VPS13C: variants seen among roughly 807,000 people sequenced by gnomAD.
The protein encoded by VPS13C is vacuolar protein sorting 13 homolog C.
A neutral mutation model predicts 456.8 loss-of-function variants in VPS13C; 358 were observed. The ratio of observed to expected loss-of-function variants is 0.78; its 90% CI spans 0.72 to 0.86. VPS13C has a LOEUF of 0.86. Ranked by LOEUF, VPS13C falls within the 40% of genes least tolerant of loss-of-function variation. VPS13C has a pLI of 0.00. For missense variants in VPS13C, 4,818 were observed against 4,385.4 expected (o/e 1.10, Z -2.79); for synonymous variants, 1,578 against 1,486.7 (o/e 1.06, Z -1.41).
At chr15:61,960,545 T>C (rs2045159764) in intron 35 of VPS13C, among the ~76,000 whole-genome samples, 1 of 152,212 alleles carries the variant, frequency 6.6e-6, no homozygotes, top group Admixed American at 6.5e-5. Context: ...AGAGAATGAA[T>C]GTCCTTGTTT....
rs1407489518 is a variant in VPS13C at position 61,984,020 on chromosome 15, C to G, written c.1722-8G>C. On this transcript the variant is annotated splice_region_variant and splice_polypyrimidine_tract_variant and intron_variant, in intron 19 of 84. Transcript: ENST00000644861. ...TCTAATTTCGCTTCTACCCTATAATCCAATGAAGAACAAGGAAAGATGCAG... is the reference window on the plus strand; with the variant it reads ...TCTAATTTCGCTTCTACCCTATAATGCAATGAAGAACAAGGAAAGATGCAG... 1.9e-6 allele frequency: 3 copies of G among 1,605,614 alleles called. No individual in the cohort carries two copies. Among genetic ancestry groups the G allele is most frequent in the South Asian group, 2.2e-5 (2 of 90,484 alleles).
chr15:61,867,661 C>CT lies in VPS13C; in HGVS notation c.10863+997dup. Reference sequence around the variant, plus strand: ...TATCTGCTTCTGAGCTCAATAAAGGCTTTCATCTATTAAACGCAGAAGAGA... The same window carrying CT: ...TATCTGCTTCTGAGCTCAATAAAGGCTTTTCATCTATTAAACGCAGAAGAGA... On this transcript the variant is annotated intron_variant, in intron 81 of 84. Coordinates refer to ENST00000644861, the MANE Select transcript of VPS13C (RefSeq NM_020821.3). This position sits in a 1 kb window ranked among gnomAD's most constrained non-coding sequence, Gnocchi z 5.0. 1 of 1,242,428 alleles carries CT rather than the reference C, an allele frequency of 8.0e-7. No individual in the cohort carries two copies. The highest frequency in any genetic ancestry group is 1.0e-6 in the Non-Finnish European group (1 of 990,074). The allele number at this position is 1,242,428 out of a possible 1,614,324, so 77.0% of individuals were successfully genotyped here.
chr15:61,982,485 T>C lies in VPS13C; in HGVS notation c.2003A>G (p.Glu668Gly), dbSNP rs1430760988. Residue 668 changes from glutamate to glycine, a missense_variant, in exon 21 of 85, where the codon GAA becomes GGA. Around this residue, in one of 3 missense-constraint regions of VPS13C, gnomAD observed 4,552 missense variants for 4,130.6 expected, o/e 1.10. Transcript: ENST00000644861. ...TGTAGCTGTTCTCTCCTTAATTTCT[T>C]CCAGCTTCATCAATGTTGCTGATGT... ...QITSATLMKL[E>G]EIKERTATGL... The C allele has an allele frequency of 1.2e-6, 2 of 1,608,592 alleles. No individual in the cohort carries two copies. Among genetic ancestry groups the C allele is most frequent in the East Asian group, 2.2e-5 (1 of 44,782 alleles).
chr15:61,922,077 A>C lies in VPS13C; in HGVS notation c.6976-44T>G, dbSNP rs193288526. 196 of 1,582,800 alleles carry C rather than the reference A, an allele frequency of 1.2e-4. No homozygotes were observed. The Admixed American group carries it at 3.3e-3, about 27-fold the overall frequency. ...AATTATAAGACAGTCCTTTGGCTTT[A>C]ATTACATATTTCTGTAACCAATAGG... is the stretch of plus-strand genomic sequence containing the variant. On this transcript the variant is annotated intron_variant, in intron 54 of 84. Coordinates refer to ENST00000644861, the MANE Select transcript of VPS13C (RefSeq NM_020821.3).
At chr15:61,894,755 A>C (rs1340975749) in intron 66 of VPS13C, among the ~76,000 whole-genome samples, 1 of 152,190 alleles carries the variant, frequency 6.6e-6, no homozygotes, top group Non-Finnish European at 1.5e-5. Context: ...TAACAGATCT[A>C]AAGGAAGAGA....
intron 81 of VPS13C, chr15:61,864,594 A>T (rs1339404533): frequency 1.0e-6 from 1 of 975,998 alleles, no homozygotes; most frequent in African/African-American, 1.8e-5. Context: ...ATCACATTTG[A>T]TATTATTTCA....
chr15:62,033,605 A>C (rs2047890647), intron 4 of VPS13C, 63 bp from the exon 5 acceptor site: 1 of 1,212,832 alleles, frequency 8.2e-7, no homozygotes, highest in African/African-American at 1.6e-5. Context: ...AAACGGAAAA[A>C]GTTCAGCCTC....
At chr15:61,998,155 T>C (rs910258286) in intron 16 of VPS13C, among the ~76,000 whole-genome samples, 1 of 152,194 alleles carries the variant, frequency 6.6e-6, no homozygotes, top group Non-Finnish European at 1.5e-5. Flanking sequence ...TTACACTTTA[T>C]TATTTCTGCC....
chr15:62,027,446 A>G (rs1326171590), intron 6 of VPS13C, among the ~76,000 whole-genome samples: 1 of 152,146 alleles, frequency 6.6e-6, no homozygotes, highest in East Asian at 1.9e-4. Context: ...TTACGGAAGG[A>G]GTAGGTTTAT....
rs11071644 is a variant in VPS13C at position 61,969,565 on chromosome 15, T to C, written c.2758-113A>G. ...ACCATGAGAATAGTAACTTTGCTCA[T>C]ATCCTTCTGCCACCATAGCAATTTA... is the stretch of plus-strand genomic sequence containing the variant. On this transcript the variant is annotated intron_variant, in intron 27 of 84. Coordinates refer to ENST00000644861, the MANE Select transcript of VPS13C (RefSeq NM_020821.3). 39,222 of 566,226 alleles carry C rather than the reference T, an allele frequency of 0.069. 1,580 individuals carry two copies. Among genetic ancestry groups the C allele is most frequent in the Non-Finnish European group, 0.083 (30,718 of 370,842 alleles). 35.1% of individuals were successfully genotyped at this position (566,226 alleles called of 1,614,324 possible). A position where few individuals can be genotyped will look rare whatever the true frequency, so the allele number is the denominator to read the frequency against.
chr15:61,874,098 T>C (rs1895235142), intron 77 of VPS13C, among the ~76,000 whole-genome samples: 1 of 151,956 alleles, frequency 6.6e-6, no homozygotes, highest in African/African-American at 2.4e-5. Flanking sequence ...AAATACTGCA[T>C]GTTCTCATTC....
intron 3 of VPS13C, among the ~76,000 whole-genome samples, chr15:62,039,246 T>G (rs539191615): frequency 6.6e-6 from 1 of 152,058 alleles, no homozygotes; most frequent in Non-Finnish European, 1.5e-5. Context: ...TGCAATAGTA[T>G]GCAGCCATAA....
chr15:61,950,472 CTGA>C, intron 40 of VPS13C, 55 bp from the exon 41 acceptor site: 1 of 1,295,078 alleles, frequency 7.7e-7, no homozygotes, highest in Non-Finnish European at 1.1e-6. Context: ...AATTCATACA[CTGA>C]AAATATACAT....
rs546383302 is a variant in VPS13C at position 61,936,588 on chromosome 15, A to T, written c.5755+9T>A. ...TTTTCTCCATAAAGTAAATATCATC[A>T]ATTTATACCTTTGAGATGGTCAGGT... On this transcript the variant is annotated intron_variant, in intron 48 of 84. Coordinates refer to ENST00000644861, the MANE Select transcript of VPS13C (RefSeq NM_020821.3). 1 of 1,520,200 alleles carries T rather than the reference A, an allele frequency of 6.6e-7. No individual in the cohort carries two copies. The highest frequency in any genetic ancestry group is 1.3e-5 in the South Asian group (1 of 74,534). 94.2% of individuals were successfully genotyped at this position (1,520,200 alleles called of 1,614,324 possible).
In VPS13C at chr15:61,918,153, A is replaced by T; in HGVS notation, c.7743T>A (p.Val2581=). Residue 2581 remains valine, a synonymous_variant, in exon 59 of 85, where the codon GTT becomes GTA. Coordinates refer to ENST00000644861, the MANE Select transcript of VPS13C (RefSeq NM_020821.3). The stretch of plus-strand genomic sequence containing the variant: ...GTATCTACCTATATGAATCTAAAGG[A>T]ACATGGAACTCCTCTTCAGGTCTGG... ...GIARPEEEFH[V]PLDSYRCQLF... is the part of the protein sequence containing the mutation. 2 of 1,596,264 alleles carry T rather than the reference A, an allele frequency of 1.3e-6. No individual in the cohort carries two copies. Among genetic ancestry groups the T allele is most frequent in the Non-Finnish European group, 1.7e-6 (2 of 1,174,416 alleles).
intron 16 of VPS13C, among the ~76,000 whole-genome samples, chr15:61,996,635 T>A (rs776460148): frequency 6.6e-6 from 1 of 151,766 alleles, no homozygotes; most frequent in Non-Finnish European, 1.5e-5. Context: ...ACTAAAAAGA[T>A]TGGAATCTTC....
intron 1 of VPS13C, among the ~76,000 whole-genome samples, chr15:62,055,234 C>CTT (rs111700043): frequency 4.7e-5 from 7 of 148,218 alleles, no homozygotes; most frequent in Admixed American, 2.0e-4. Flanking sequence ...CCTTCTCAAC[C>CTT]TTTTTTTTTT....
intron 23 of VPS13C, 80 bp from the exon 24 acceptor site, chr15:61,977,279 T>C: frequency 1.2e-6 from 1 of 865,688 alleles, no homozygotes; most frequent in Non-Finnish European, 1.7e-6. Flanking sequence ...TTTTAATGAA[T>C]ATTATTTTAA....
chr15:61,869,466 A>G (rs977448243), intron 80 of VPS13C, 34 bp downstream of exon 80: 24 of 1,604,518 alleles, frequency 1.5e-5, no homozygotes, highest in Non-Finnish European at 2.0e-5. Context: ...TAGCACACAG[A>G]CACATACCTT....
Sources: allele counts gnomAD v4.1 joint callset (sites outside exome capture counted in the v4.1 genomes callset), GRCh38; gene constraint gnomAD v4.1.1; regional missense constraint gnomAD v4.1.1; non-coding constraint Gnocchi (gnomAD v3.1); transcripts MANE v1.5; gene names NCBI Gene and HGNC (gene_info 2026-07-23, HGNC 2026-07-21).